TTN: variants seen among roughly 807,000 people sequenced by gnomAD.
TTN encodes connectin.
TTN carries 1,525 observed loss-of-function variants against 3,223.0 expected under a neutral mutation model. The observed-to-expected ratio is 0.47, with a 90% CI of 0.45 to 0.49. The LOEUF (loss-of-function observed/expected upper bound fraction) is 0.49, where lower values mean the gene tolerates loss of function less well. Among genes scored for constraint, TTN ranks in the 20% least tolerant of loss-of-function variants. The probability of loss-of-function intolerance (pLI) is 0.00; values close to 1 mark genes in which losing one functional copy is unlikely to be tolerated. For synonymous variants in TTN, 14,094 were observed against 15,161.0 expected, an observed-to-expected ratio of 0.93 and a Z score of 5.17; for missense variants, 40,786 against 43,424.0, an observed-to-expected ratio of 0.94 and a Z score of 5.40.
chr2:178,610,880 T>A (rs2056179255), intron 270 of TTN, 113 bp downstream of exon 270: 1 of 1,287,110 alleles, frequency 7.8e-7, no homozygotes, highest in Non-Finnish European at 1.1e-6. Flanking sequence ...AAGTGACATT[T>A]AGTTTACAAG....
At chr2:178,730,019 C>T (rs542485268) in intron 62 of TTN, 74 bp from the exon 63 acceptor site, 396 of 1,594,796 alleles carry the variant, frequency 2.5e-4, no homozygotes, top group Non-Finnish European at 3.2e-4. Flanking sequence ...CTGTCTTAAG[C>T]GTCCCCCGCC....
intron 148 of TTN, 78 bp from the exon 149 acceptor site, chr2:178,675,832 G>A: frequency 6.5e-7 from 1 of 1,529,818 alleles, no homozygotes; most frequent in Non-Finnish European, 8.9e-7. Context: ...AATATAAGTT[G>A]TATTAACAAA....
At position 178,545,805 on chromosome 2, in the gene TTN, A is replaced by C; in HGVS notation, c.95416+15T>G. On this transcript the variant is annotated intron_variant, in intron 343 of 362. Transcript: ENST00000589042. ...CATTTCAACTGTCAAATTATTTAAA[A>C]GTGTTAATACTTACTGAATGAGTTT... 6.2e-7 allele frequency: 1 copy of C among 1,607,326 alleles called. No homozygotes were observed. The highest frequency in any genetic ancestry group is 8.5e-7 in the Non-Finnish European group (1 of 1,174,892).
chr2:178,723,343 C>G lies in TTN; in HGVS notation c.21683-19G>C. On this transcript the variant is annotated intron_variant, in intron 74 of 362. Transcript: ENST00000589042. ...GCTGGTTCTAGTAAGTGACAAAGCA[C>G]AGCAGTTAAACACAAGAAAAACACA... 1 of 1,607,550 alleles carries G rather than the reference C, an allele frequency of 6.2e-7. No homozygotes were observed.
At chr2:178,649,712 A>G (rs958265326) in intron 211 of TTN, 81 bp from the exon 212 acceptor site, 188 of 1,538,776 alleles carry the variant, frequency 1.2e-4, no homozygotes, top group African/African-American at 2.2e-4. Flanking sequence ...ACACTGTAAC[A>G]TATAGGTAAG....
rs1366424798 is a variant in TTN, at chr2:178,590,598, A to G, written c.61127T>C (p.Ile20376Thr). 5 of 1,612,766 alleles carry G rather than the reference A, an allele frequency of 3.1e-6. No individual in the cohort carries two copies. The South Asian group carries it at 5.5e-5, about 18-fold the overall frequency. Residue 20376 changes from isoleucine (I) to threonine (T), a missense_variant, in exon 304 of 363, where the codon ATT becomes ACT. By Grantham distance (89) the Ile-to-Thr change is moderately conservative. Transcript: ENST00000589042. Reference sequence around the variant, plus strand: ...GCTCTTGTCTTTCAGTTTAGGATTAATAGGTGGTCCAGGTGGTTTGATGGG... The same window carrying G: ...GCTCTTGTCTTTCAGTTTAGGATTAGTAGGTGGTCCAGGTGGTTTGATGGG... ...CRPIKPPGPP[I>T]NPKLKDKSRE...
chr2:178,738,583 A>G (rs2081939969), intron 48 of TTN, among the ~76,000 whole-genome samples: 1 of 152,208 alleles, frequency 6.6e-6, no homozygotes, highest in Admixed American at 6.5e-5. Context: ...ATTGCTTTGC[A>G]GTGAATTGTG....
intron 6 of TTN, among the ~76,000 whole-genome samples, chr2:178,797,896 A>G (rs921771660): frequency 2.0e-5 from 3 of 151,616 alleles, no homozygotes; most frequent in Non-Finnish European, 4.4e-5. Context: ...TTTTTTAACT[A>G]TTTAATCAAG....
In TTN at chr2:178,579,759, C is replaced by G; in HGVS notation, c.67438G>C (p.Gly22480Arg). 6.2e-7 allele frequency: 1 copy of G among 1,613,308 alleles called. No individual in the cohort carries two copies. The highest frequency in any genetic ancestry group is 8.5e-7 in the Non-Finnish European group (1 of 1,179,516). Residue 22480 changes from glycine to arginine, a missense_variant, in exon 319 of 363, where the codon GGA becomes CGA. Coordinates refer to ENST00000589042, the MANE Select transcript of TTN (RefSeq NM_001267550.2). ...IGWKKPHSDGGSRIIGYVVDF... is the reference protein window; with the variant it reads ...IGWKKPHSDGRSRIIGYVVDF... The stretch of plus-strand genomic sequence containing the variant: ...ACTACATATCCAATAATCCGACTTC[C>G]ACCATCACTGTGAGGCTTTTTCCAG...
chr2:178,560,285 C>T lies in TTN; in HGVS notation c.85847G>A (p.Arg28616Gln), dbSNP rs373942982. ...ACGATATTCATATTCACATCCTTCC[C>T]GAAGTCCTGTTGATTTCACTCTTAG... Reference protein sequence around the residue: ...YDLRVKSTGLREGCEYEYRVY... With the variant: ...YDLRVKSTGLQEGCEYEYRVY... The change falls in exon 326 of 363, where the codon CGG (arginine) becomes CAG (glutamine). Residue 28616 changes from arginine (R) to glutamine (Q), a missense_variant. Arg to Gln is a conservative substitution (Grantham distance 43). Transcript: ENST00000589042. 36 of 1,613,658 alleles carry T rather than the reference C, an allele frequency of 2.2e-5. No homozygotes were observed. Among genetic ancestry groups the T allele is most frequent in the African/African-American group, 4.0e-5 (3 of 74,906 alleles).
At chr2:178,674,214 C>T (rs988840672) in intron 151 of TTN, 100 bp downstream of exon 151, 132 of 724,754 alleles carry the variant, frequency 1.8e-4, no homozygotes, top group South Asian at 1.0e-3. Flanking sequence ...ATCATGGATA[C>T]GATATAAGAA....
Position 178,636,492 on chromosome 2 carries a change from G to T in TTN, c.41235C>A (p.Ile13745=), listed in dbSNP as rs1320819276. 3 of 1,613,450 alleles carry T rather than the reference G, an allele frequency of 1.9e-6. No homozygotes were observed. The highest frequency in any genetic ancestry group is 2.5e-6 in the Non-Finnish European group (3 of 1,179,586). Residue 13745 remains isoleucine (I), a synonymous_variant, in exon 225 of 363, where the codon ATC becomes ATA. Transcript: ENST00000589042. The surrounding 1 kb of genome is among the most constrained non-coding windows in gnomAD (Gnocchi z 4.3). ...IADGKDRKLH[I]IDVQLSDAGE... Reference sequence around the variant, plus strand: ...CAGCATCGGAAAGTTGAACATCAATGATGTGCAGCTTTCTGTCTTTACCAT... The same window carrying T: ...CAGCATCGGAAAGTTGAACATCAATTATGTGCAGCTTTCTGTCTTTACCAT...
rs786205368 is a variant in TTN at position 178,547,992 on chromosome 2, C to T, written c.93634G>A (p.Glu31212Lys). The change falls in exon 339 of 363, where the codon GAG becomes AAG. Residue 31212 changes from glutamate to lysine, a missense_variant. Transcript: ENST00000589042. ...ATTCCAGTGAGGTCAGCAGTGGGCT[C>T]GATTTGAGGCTCCTTAATGATGACA... ...SSVIIKEPQI[E>K]PTADLTGITN... 6 of 1,613,342 alleles carry T rather than the reference C, an allele frequency of 3.7e-6. No individual in the cohort carries two copies. The highest frequency in any genetic ancestry group is 2.7e-5 in the African/African-American group (2 of 74,820).
chr2:178,745,999 G>T, intron 47 of TTN: 1 of 1,612,784 alleles, frequency 6.2e-7, no homozygotes, highest in South Asian at 1.1e-5. Context: ...CCATGGTGAG[G>T]AATCCCCGAC....
Position 178,565,179 on chromosome 2 carries a change from C to A in TTN, c.80953G>T (p.Val26985Phe). 6.2e-7 allele frequency: 1 copy of A among 1,613,542 alleles called. No homozygotes were observed. The highest frequency in any genetic ancestry group is 8.5e-7 in the Non-Finnish European group (1 of 1,179,642). ...PPVGPVRFDE[V>F]SADFVVISWE... ...GATATGACTACAAAGTCTGCACTAA[C>A]TTCATCAAACCGAACTGGGCCAACT... Residue 26985 changes from valine (V) to phenylalanine (F), a missense_variant, in exon 326 of 363, where the codon GTT (valine) becomes TTT (phenylalanine). Coordinates refer to ENST00000589042, the MANE Select transcript of TTN (RefSeq NM_001267550.2).
chr2:178,644,619 T>G lies in TTN; in HGVS notation c.40409-3A>C, dbSNP rs1269069315. 4 of 1,550,064 alleles carry G rather than the reference T, an allele frequency of 2.6e-6. No individual in the cohort carries two copies. The highest frequency in any genetic ancestry group is 1.7e-4 in the Middle Eastern group (1 of 5,938). On this transcript the variant is annotated splice_region_variant and splice_polypyrimidine_tract_variant and intron_variant, in intron 217 of 362. Transcript: ENST00000589042. ...AGGAACTTTCTTCTTTGGAATAGCT[T>G]TAAAGAATATGATTTTACTTTTGTT...
At position 178,756,707 on chromosome 2, in the gene TTN, T is replaced by A. The variant is rs778818717; in HGVS notation, c.10769A>T (p.Glu3590Val). The part of the protein sequence containing the change: ...AVADSSFTKE[E>V]SKISQKEIKS... The stretch of plus-strand genomic sequence containing the variant: ...AATTTCCTTTTGAGATATTTTGCTC[T>A]CCTCCTTTGTGAAAGAGGAATCTGC... The change falls in exon 46 of 363, where the codon GAG becomes GTG. Residue 3590 changes from glutamate (E) to valine (V), a missense_variant. Glu to Val is a moderately radical substitution (Grantham distance 121). Transcript: ENST00000589042. 2 of 1,613,790 alleles carry A rather than the reference T, an allele frequency of 1.2e-6. No homozygotes were observed. The highest frequency in any genetic ancestry group is 1.7e-6 in the Non-Finnish European group (2 of 1,179,762).
rs1488930199 is a variant in TTN, at chr2:178,781,142, A to G, written c.3502T>C (p.Ser1168Pro). The part of the protein sequence containing the change: ...VRNKHGETSA[S>P]ASLLEEADYE... ...TTACCTTCTTCAAGCAAGGAAGCAGATGCAGAAGTTTCTCCATGCTTATTG... is the reference window on the plus strand; with the variant it reads ...TTACCTTCTTCAAGCAAGGAAGCAGGTGCAGAAGTTTCTCCATGCTTATTG... Residue 1168 changes from serine to proline, a missense_variant, in exon 21 of 363, where the codon TCT becomes CCT. Coordinates refer to ENST00000589042, the MANE Select transcript of TTN (RefSeq NM_001267550.2). 4 of 1,613,926 alleles carry G rather than the reference A, an allele frequency of 2.5e-6. No individual in the cohort carries two copies. Among genetic ancestry groups the G allele is most frequent in the Non-Finnish European group, 3.4e-6 (4 of 1,179,954 alleles).
At chr2:178,750,100 G>T in intron 47 of TTN, 1 of 1,613,158 alleles carries the variant, frequency 6.2e-7, no homozygotes, top group Non-Finnish European at 8.5e-7. Flanking sequence ...CTACAGGAAA[G>T]GAAAGCAATT....
Sources: gnomAD v4.1 joint callset for allele counts (sites outside exome capture counted in the v4.1 genomes callset) on GRCh38, gnomAD v4.1.1 for gene constraint, Gnocchi (gnomAD v3.1) non-coding constraint, MANE v1.5 for transcripts, NCBI Gene and HGNC (gene_info 2026-07-23, HGNC 2026-07-21) for gene names.